POR: variants seen among roughly 807,000 people sequenced by gnomAD.
The protein encoded by POR is cytochrome p450 oxidoreductase.
In POR, 56 loss-of-function variants were observed where a neutral mutation model predicts 84.0. The ratio of observed to expected loss-of-function variants is 0.67; its 90% CI spans 0.54 to 0.83. The LOEUF (loss-of-function observed/expected upper bound fraction) is 0.83. Ranked by LOEUF, POR falls within the 40% of genes least tolerant of loss-of-function variation. The pLI is 0.00. For synonymous variants in POR, 414 were observed against 400.5 expected, an observed-to-expected ratio of 1.03 and a Z score of -0.40; for missense variants, 938 against 944.3, an observed-to-expected ratio of 0.99 and a Z score of 0.09.
chr7:75,939,622 C>T (rs953215375), intron 1 of POR, among the ~76,000 whole-genome samples: 2 of 124,324 alleles, frequency 1.6e-5, no homozygotes, highest in Admixed American at 9.7e-5. Flanking sequence ...CTTTTTTTTT[C>T]GAGACAGAGT....
chr7:75,927,413 C>T (rs1363098579), intron 1 of POR, among the ~76,000 whole-genome samples: 1 of 151,578 alleles, frequency 6.6e-6, no homozygotes, highest in Non-Finnish European at 1.5e-5. Context: ...GCTGTCATCA[C>T]GCCACTGTAC....
rs372297436 is a variant in POR at position 75,935,350 on chromosome 7, G to A, written c.-4-18639G>A. Among the ~76,000 whole-genome samples, 37 of 152,170 alleles carry A rather than the reference G, an allele frequency of 2.4e-4. 1 individual carries two copies. The South Asian group carries it at 6.0e-3, about 25-fold the overall frequency. ...CAACCTCCACTTCCTGGGTTCAAGC[G>A]ATTCTCCTGCCTTAGCCTCCCAAGT... On this transcript the variant is annotated intron_variant, in intron 1 of 15. Coordinates refer to ENST00000461988, the MANE Select transcript of POR (RefSeq NM_000941.3).
chr7:75,985,020 G>A lies in POR; in HGVS notation c.1249-38G>A, dbSNP rs782133636. On this transcript the variant is annotated intron_variant, in intron 11 of 15. Transcript: ENST00000461988. ...ACCCCGCCGTTTTCCGAGCTCCGTG[G>A]GCCCCAATCAGCCCCATCTCACCCC... The A allele has an allele frequency of 5.7e-6, 9 of 1,582,694 alleles. No individual in the cohort carries two copies. The East Asian group carries it at 1.8e-4, about 32-fold the overall frequency.
chr7:75,949,272 A>C (rs1171224069), intron 1 of POR, among the ~76,000 whole-genome samples: 2 of 151,962 alleles, frequency 1.3e-5, no homozygotes, highest in African/African-American at 4.8e-5. Context: ...CTCCTGCCTC[A>C]GCCTCCCCAA....
chr7:75,956,298 CAA>C (rs1272094390), intron 2 of POR, among the ~76,000 whole-genome samples: 1 of 151,984 alleles, frequency 6.6e-6, no homozygotes, highest in African/African-American at 2.4e-5. Flanking sequence ...GTCTCAAAAA[CAA>C]AACAAAACAA....
rs1365970985 is a variant in POR, at chr7:75,951,773, A to G, written c.-4-2216A>G. On this transcript the variant is annotated intron_variant, in intron 1 of 15. Coordinates refer to ENST00000461988, the MANE Select transcript of POR (RefSeq NM_000941.3). ...TAGTGTGAATTTCAGGGCTGAGCCC[A>G]GCCTCCTTGGTAAGCAGCAGAAGCT... Among the ~76,000 whole-genome samples the G allele has an allele frequency of 2.6e-5, 4 of 152,248 alleles. No individual in the cohort carries two copies. In the East Asian group the frequency reaches 7.7e-4, roughly 29 times the overall value.
intron 2 of POR, among the ~76,000 whole-genome samples, chr7:75,957,222 G>A (rs540756397): frequency 6.6e-6 from 1 of 152,178 alleles, no homozygotes; most frequent in Non-Finnish European, 1.5e-5. Flanking sequence ...TTGGTGTGGG[G>A]ATCAGACCAA....
At chr7:75,936,964 T>C (rs367789600) in intron 1 of POR, among the ~76,000 whole-genome samples, 23 of 151,256 alleles carry the variant, frequency 1.5e-4, no homozygotes, top group African/African-American at 4.8e-4. Context: ...GTAGCTGGGA[T>C]TACAGGCGCC....
intron 2 of POR, among the ~76,000 whole-genome samples, chr7:75,958,733 G>A (rs988502176): frequency 2.6e-5 from 4 of 152,028 alleles, no homozygotes; most frequent in African/African-American, 4.8e-5. Context: ...TAATCCCAGT[G>A]CTTAGGGAGG....
intron 3 of POR, among the ~76,000 whole-genome samples, chr7:75,978,619 G>A (rs1287215448): frequency 6.6e-6 from 1 of 152,172 alleles, no homozygotes; most frequent in African/African-American, 2.4e-5. Context: ...TGCCTCCCAG[G>A]TCCAAGCGAT....
At chr7:75,985,448 CTGAGGTTTGGGTGCCAGGTG>C in intron 12 of POR, 111 bp from the exon 13 acceptor site, 1 of 1,244,434 alleles carries the variant, frequency 8.0e-7, no homozygotes, top group Non-Finnish European at 1.1e-6. Flanking sequence ...GAGGGGGCCT[CTGAGGTTTGGGTGCCAGGTG>C]GGCTGGAAGA....
chr7:75,950,117 G>A (rs1787348990), intron 1 of POR, among the ~76,000 whole-genome samples: 3 of 151,592 alleles, frequency 2.0e-5, no homozygotes, highest in African/African-American at 7.3e-5. Flanking sequence ...TGATCCACCC[G>A]CCTTGGCCTC....
chr7:75,959,880 A>T (rs2116458072), intron 2 of POR, among the ~76,000 whole-genome samples: 1 of 152,316 alleles, frequency 6.6e-6, no homozygotes, highest in Non-Finnish European at 1.5e-5. Flanking sequence ...ACATTGTTTT[A>T]TCCCTCCCGG....
At chr7:75,948,130 C>G (rs1047078514) in intron 1 of POR, among the ~76,000 whole-genome samples, 1 of 152,140 alleles carries the variant, frequency 6.6e-6, no homozygotes, top group South Asian at 2.1e-4. Context: ...GAGCACAGCC[C>G]GGTGGGAAGC....
chr7:75,925,104 A>C (rs1554549301), intron 1 of POR, among the ~76,000 whole-genome samples: 1 of 152,204 alleles, frequency 6.6e-6, no homozygotes, highest in African/African-American at 2.4e-5. Flanking sequence ...AGTCCAGGGA[A>C]GCTCTTGTGG....
intron 1 of POR, among the ~76,000 whole-genome samples, chr7:75,940,600 T>C (rs1289796158): frequency 6.6e-5 from 10 of 150,770 alleles, no homozygotes; most frequent in Non-Finnish European, 1.3e-4. Flanking sequence ...CTGGCTAATA[T>C]GGTGAAACCC....
At chr7:75,984,302 T>C (rs1186584663) in intron 10 of POR, among the ~76,000 whole-genome samples, 3 of 152,146 alleles carry the variant, frequency 2.0e-5, no homozygotes, top group Admixed American at 1.3e-4. Context: ...CGGGGCTGCC[T>C]GGGCCTGGTG....
intron 2 of POR, among the ~76,000 whole-genome samples, chr7:75,968,635 A>G (rs1449167636): frequency 6.6e-6 from 1 of 152,234 alleles, no homozygotes; most frequent in Non-Finnish European, 1.5e-5. Flanking sequence ...TTTAACCAGC[A>G]GGAACTTGAA....
chr7:75,983,019 C>T (rs1585131316), intron 8 of POR, among the ~76,000 whole-genome samples: 1 of 152,174 alleles, frequency 6.6e-6, no homozygotes, highest in South Asian at 2.1e-4. Flanking sequence ...GATGACCCAG[C>T]TCTGCCCATG....
Sources: allele counts gnomAD v4.1 joint callset (sites outside exome capture counted in the v4.1 genomes callset), GRCh38; gene constraint gnomAD v4.1.1; transcripts MANE v1.5; gene names NCBI Gene and HGNC (gene_info 2026-07-23, HGNC 2026-07-21).